TRIM33: variants seen among roughly 807,000 people sequenced by gnomAD.
The protein encoded by TRIM33 is tripartite motif containing 33.
In TRIM33, 20 loss-of-function variants were observed where a neutral mutation model predicts 125.4. That is an observed-to-expected ratio of 0.16 (90% confidence interval 0.11 to 0.23). The LOEUF (loss-of-function observed/expected upper bound fraction) is 0.23, where lower values mean the gene tolerates loss of function less well. Among genes scored for constraint, TRIM33 ranks in the 10% least tolerant of loss-of-function variants. TRIM33 has a pLI of 1.00. For missense variants in TRIM33, 920 were observed against 1,411.4 expected (o/e 0.65, Z 5.58); for synonymous variants, 564 against 513.9 (o/e 1.10, Z -1.32).
intron 1 of TRIM33, among the ~76,000 whole-genome samples, chr1:114,491,951 G>A (rs1481383777): frequency 2.0e-5 from 3 of 152,094 alleles, no homozygotes; most frequent in South Asian, 4.1e-4. Context: ...GCAACACTAC[G>A]GGGCACTTCA....
intron 1 of TRIM33, among the ~76,000 whole-genome samples, chr1:114,506,078 G>A (rs981053335): frequency 2.0e-5 from 3 of 152,126 alleles, no homozygotes; most frequent in East Asian, 3.9e-4. Flanking sequence ...CAAGGGTTAC[G>A]TAGCTAACTA....
chr1:114,430,320 T>C (rs1263916035), intron 6 of TRIM33, among the ~76,000 whole-genome samples: 3 of 152,068 alleles, frequency 2.0e-5, no homozygotes, highest in African/African-American at 7.2e-5. Context: ...TCACAGCTCA[T>C]TGCAGCCTTG....
intron 1 of TRIM33, among the ~76,000 whole-genome samples, chr1:114,475,543 C>T (rs554643365): frequency 3.1e-4 from 47 of 152,114 alleles, no homozygotes; most frequent in African/African-American, 9.9e-4. Context: ...ATTAGCCAGG[C>T]GTGGTGACGG....
At chr1:114,481,105 G>A (rs1183957764) in intron 1 of TRIM33, among the ~76,000 whole-genome samples, 4 of 151,936 alleles carry the variant, frequency 2.6e-5, no homozygotes, top group East Asian at 1.9e-4. Flanking sequence ...CCCAGGAGAC[G>A]GAGGTTGCAA....
At chr1:114,434,330 T>A (rs1302054234) in intron 4 of TRIM33, among the ~76,000 whole-genome samples, 3 of 152,216 alleles carry the variant, frequency 2.0e-5, no homozygotes, top group East Asian at 3.8e-4. Context: ...TAAATGCAAT[T>A]ATAATAATAA....
At chr1:114,422,885 T>C (rs1203495352) in intron 10 of TRIM33, among the ~76,000 whole-genome samples, 1 of 152,198 alleles carries the variant, frequency 6.6e-6, no homozygotes, top group African/African-American at 2.4e-5. Flanking sequence ...TAAAATTCTT[T>C]TAATTCCCAA....
intron 10 of TRIM33, among the ~76,000 whole-genome samples, chr1:114,421,944 G>A (rs1171857661): frequency 1.3e-5 from 2 of 152,140 alleles, no homozygotes; most frequent in Non-Finnish European, 1.5e-5. Context: ...AAACACCGGG[G>A]TAAGAGAACT....
At chr1:114,461,551 G>GA (rs1005700784) in intron 4 of TRIM33, among the ~76,000 whole-genome samples, 12 of 150,422 alleles carry the variant, frequency 8.0e-5, no homozygotes, top group Admixed American at 1.3e-4. Context: ...TATAGGAGGA[G>GA]AAAAAAAACA....
chr1:114,396,689 A>C lies in TRIM33; in HGVS notation c.*959T>G, dbSNP rs529704823. ...ACTATTTACAAATAAGACAAAGTGA[A>C]ATACAGAAAATTTTACACATTTGGT... On this transcript the variant is annotated 3_prime_UTR_variant, in exon 20 of 20. Coordinates refer to ENST00000358465, the MANE Select transcript of TRIM33 (RefSeq NM_015906.4). 4.9e-6 allele frequency: 1 copy of C among 205,250 alleles called. No individual in the cohort carries two copies. Among genetic ancestry groups the C allele is most frequent in the African/African-American group, 2.3e-5 (1 of 43,884 alleles). The allele number at this position is 205,250 out of a possible 1,614,324, so 12.7% of individuals were successfully genotyped here. A position where few individuals can be genotyped will look rare whatever the true frequency, so the allele number is the denominator to read the frequency against.
chr1:114,453,251 C>T (rs1045847132), intron 4 of TRIM33, among the ~76,000 whole-genome samples: 2 of 151,538 alleles, frequency 1.3e-5, no homozygotes, highest in African/African-American at 4.9e-5. Flanking sequence ...GTAATCCCAG[C>T]TACTCGGGAA....
intron 1 of TRIM33, among the ~76,000 whole-genome samples, chr1:114,482,768 T>C (rs1426749312): frequency 6.6e-6 from 1 of 152,158 alleles, no homozygotes; most frequent in Non-Finnish European, 1.5e-5. Flanking sequence ...TCTGCAGCAC[T>C]TCCCCCTTCA....
intron 1 of TRIM33, among the ~76,000 whole-genome samples, chr1:114,507,516 G>C (rs550934469): frequency 6.6e-6 from 1 of 152,332 alleles, no homozygotes; most frequent in South Asian, 2.1e-4. Flanking sequence ...CTCCAGACCA[G>C]AGATGATATC....
chr1:114,482,592 C>G (rs941178762), intron 1 of TRIM33, among the ~76,000 whole-genome samples: 1 of 152,150 alleles, frequency 6.6e-6, no homozygotes. Context: ...CAAAATGTTA[C>G]TGATATGGTT....
At chr1:114,472,151 CAT>C (rs1650692998) in intron 1 of TRIM33, among the ~76,000 whole-genome samples, 1 of 152,174 alleles carries the variant, frequency 6.6e-6, no homozygotes, top group African/African-American at 2.4e-5. Context: ...AACTTAGAAA[CAT>C]AAATATTTTG....
At chr1:114,421,769 G>A (rs1647220618) in intron 10 of TRIM33, 133 bp from the exon 11 acceptor site, 1 of 809,074 alleles carries the variant, frequency 1.2e-6, no homozygotes, top group East Asian at 2.7e-5. Flanking sequence ...TTATTCAGGA[G>A]AAGAACAGTT....
chr1:114,471,690 TAAGTAA>T (rs1030794946), intron 1 of TRIM33, among the ~76,000 whole-genome samples: 53 of 152,046 alleles, frequency 3.5e-4, no homozygotes, highest in African/African-American at 1.1e-3. Context: ...TAGATAAACC[TAAGTAA>T]AAGTTAAAAA....
At chr1:114,490,833 T>A (rs1013241671) in intron 1 of TRIM33, 5 of 152,128 alleles carry the variant, frequency 3.3e-5, no homozygotes, top group Non-Finnish European at 7.3e-5. Context: ...CTAGTTTTTT[T>A]AAAAAGTATT....
Position 114,491,308 on chromosome 1 carries a change from G to A in TRIM33, c.526+19243C>T, listed in dbSNP as rs528483818. Among the ~76,000 whole-genome samples the A allele has an allele frequency of 3.3e-5, 5 of 152,200 alleles. No individual in the cohort carries two copies. The South Asian group carries it at 1.0e-3, about 32-fold the overall frequency. On this transcript the variant is annotated intron_variant, in intron 1 of 19. Coordinates refer to ENST00000358465, the MANE Select transcript of TRIM33 (RefSeq NM_015906.4). ...TAAAAGAAATAATTTTATTTGCATT[G>A]ACCTAGGGTCGATTCTCATCATTTA...
chr1:114,450,190 C>G (rs1018881439), intron 4 of TRIM33, among the ~76,000 whole-genome samples: 1 of 152,156 alleles, frequency 6.6e-6, no homozygotes, highest in African/African-American at 2.4e-5. Context: ...CCGGCAGGGG[C>G]AGAGGTTGCA....
Sources: gnomAD v4.1 joint callset for allele counts (sites outside exome capture counted in the v4.1 genomes callset) on GRCh38, gnomAD v4.1.1 for gene constraint, MANE v1.5 for transcripts, NCBI Gene and HGNC (gene_info 2026-07-23, HGNC 2026-07-21) for gene names.